The following YEATS2 variants were observed in gnomAD, a reference collection of about 807,000 sequenced individuals.
YEATS2 encodes the protein YEATS domain containing 2.
A neutral mutation model predicts 163.2 loss-of-function variants in YEATS2; 77 were observed. That is an observed-to-expected ratio of 0.47 (90% confidence interval 0.39 to 0.57). YEATS2 has a LOEUF of 0.57. YEATS2 is among the 20% of genes least tolerant of loss of function. The pLI is 0.00. For missense variants in YEATS2, 1,549 were observed against 1,729.8 expected, an observed-to-expected ratio of 0.90 and a Z score of 1.85; for synonymous variants, 631 against 645.1, an observed-to-expected ratio of 0.98 and a Z score of 0.33.
At chr3:183,808,263 C>CT in intron 29 of YEATS2, 159 bp downstream of exon 29, 1 of 620,842 alleles carries the variant, frequency 1.6e-6, no homozygotes, top group Non-Finnish European at 2.7e-6. Flanking sequence ...GTTTTTTTTC[C>CT]TTCTGATTTT....
At position 183,801,553 on chromosome 3, in the gene YEATS2, G is replaced by A. The variant is rs773878017; in HGVS notation, c.3502+25G>A. On this transcript the variant is annotated intron_variant, in intron 25 of 30. Coordinates refer to ENST00000305135, the MANE Select transcript of YEATS2 (RefSeq NM_018023.5). ...AGTAAGACAATTACACTGAATATAG[G>A]GGTGCATTTTTGAAAGCTGTGAACT... 3 of 1,560,220 alleles carry A rather than the reference G, an allele frequency of 1.9e-6. No individual in the cohort carries two copies. In the South Asian group the frequency reaches 3.6e-5, roughly 18 times the overall value.
chr3:183,792,297 C>T (rs1560322160), intron 21 of YEATS2, among the ~76,000 whole-genome samples: 1 of 152,040 alleles, frequency 6.6e-6, no homozygotes, highest in Non-Finnish European at 1.5e-5. Context: ...CCTTCCCTTG[C>T]CCCGCACCCC....
chr3:183,741,770 G>A (rs1718993540), intron 8 of YEATS2, among the ~76,000 whole-genome samples: 1 of 151,848 alleles, frequency 6.6e-6, no homozygotes, highest in Non-Finnish European at 1.5e-5. Flanking sequence ...GACAGAGCGA[G>A]ACTCCATCTC....
rs140635077 is a variant in YEATS2, at chr3:183,754,102, G to A, written c.1151-24G>A. The A allele has an allele frequency of 1.9e-5, 29 of 1,511,914 alleles. No individual in the cohort carries two copies. The Admixed American group carries it at 3.1e-4, about 16-fold the overall frequency. The allele number at this position is 1,511,914 out of a possible 1,614,324, so 93.7% of individuals were successfully genotyped here. ...ATTTCAAAGCGATTGATGACTTGCC[G>A]TTTGCCTCTTTCATCTCAAGCAGGA... On this transcript the variant is annotated intron_variant, in intron 10 of 30. Transcript: ENST00000305135.
chr3:183,729,817 A>G (rs911273244), intron 7 of YEATS2, among the ~76,000 whole-genome samples: 2 of 151,816 alleles, frequency 1.3e-5, no homozygotes, highest in African/African-American at 4.8e-5. Context: ...CCTCCCAAGT[A>G]GCTGGGATTA....
At position 183,733,618 on chromosome 3, in the gene YEATS2, A is replaced by G. The variant is rs569605115; in HGVS notation, c.813-3100A>G. Among the ~76,000 whole-genome samples the G allele has an allele frequency of 2.0e-5, 3 of 152,320 alleles. No individual in the cohort carries two copies. The East Asian group carries it at 5.8e-4, about 29-fold the overall frequency. On this transcript the variant is annotated intron_variant, in intron 7 of 30. Coordinates refer to ENST00000305135, the MANE Select transcript of YEATS2 (RefSeq NM_018023.5). ...TGTGTTAGGTATCTAAAGTAATTTA[A>G]CGAATAAGGGAGGATTTTTGCGGCT... is the stretch of plus-strand genomic sequence containing the variant.
chr3:183,773,889 G>A (rs1282906324), intron 17 of YEATS2, 95 bp downstream of exon 17: 1 of 1,393,254 alleles, frequency 7.2e-7, no homozygotes, highest in Non-Finnish European at 9.5e-7. Context: ...GTTTCAGGAA[G>A]CATTTCTGTA....
In YEATS2 at chr3:183,803,280, CAA is replaced by C. The variant is rs1230798598; in HGVS notation, c.3529_3530del (p.Lys1177ValfsTer17). The C allele has an allele frequency of 1.2e-6, 2 of 1,611,894 alleles. No homozygotes were observed. Among genetic ancestry groups the C allele is most frequent in the Non-Finnish European group, 1.7e-6 (2 of 1,179,884 alleles). On this transcript the variant is annotated frameshift_variant, in exon 26 of 31. Transcript: ENST00000305135. LOFTEE classifies it high-confidence loss of function. ...GGTGAAGATGCCAGCTGCTTTTCTG[CAA>C]AGTCTGTGGAGCAGTACTATGGCTG...
intron 19 of YEATS2, among the ~76,000 whole-genome samples, chr3:183,783,455 A>G (rs542050234): frequency 6.6e-6 from 1 of 152,216 alleles, no homozygotes; most frequent in Non-Finnish European, 1.5e-5. Flanking sequence ...GGTTTGTTAC[A>G]TGGGTATATT....
chr3:183,758,406 T>C lies in YEATS2; in HGVS notation c.1553-456T>C, dbSNP rs576552045. Reference sequence around the variant, plus strand: ...CAGCATTTTGGAATAGGCATAACTTTCTGGTGAAACTACTTTGAAGGAGCT... The same window carrying C: ...CAGCATTTTGGAATAGGCATAACTTCCTGGTGAAACTACTTTGAAGGAGCT... On this transcript the variant is annotated intron_variant, in intron 12 of 30. Transcript: ENST00000305135. Among the ~76,000 whole-genome samples, 4 of 152,276 alleles carry C rather than the reference T, an allele frequency of 2.6e-5. No individual in the cohort carries two copies. The South Asian group carries it at 8.3e-4, about 32-fold the overall frequency.
intron 8 of YEATS2, among the ~76,000 whole-genome samples, chr3:183,745,383 C>A (rs1049164522): frequency 6.6e-6 from 1 of 152,150 alleles, no homozygotes; most frequent in South Asian, 2.1e-4. Flanking sequence ...TAGATTGTCT[C>A]GCACAAATCC....
intron 8 of YEATS2, among the ~76,000 whole-genome samples, chr3:183,743,911 G>GAA (rs1170835710): frequency 5.9e-5 from 9 of 151,982 alleles, no homozygotes; most frequent in African/African-American, 2.2e-4. Flanking sequence ...AAGCCATGCT[G>GAA]AAATTTCTCT....
At chr3:183,793,523 A>G (rs1003230051) in intron 21 of YEATS2, 5 of 848,364 alleles carry the variant, frequency 5.9e-6, no homozygotes, top group African/African-American at 5.6e-5. Flanking sequence ...TGTTTTTGGC[A>G]TGCAATAGAT....
At chr3:183,787,752 C>T (rs1226682751) in intron 20 of YEATS2, among the ~76,000 whole-genome samples, 1 of 151,820 alleles carries the variant, frequency 6.6e-6, no homozygotes, top group African/African-American at 2.4e-5. Flanking sequence ...AATCCCAGCA[C>T]TTTGGGAGGC....
chr3:183,705,173 C>T lies in YEATS2; in HGVS notation c.-20+7180C>T, dbSNP rs945349260. On this transcript the variant is annotated intron_variant, in intron 1 of 30. Coordinates refer to ENST00000305135, the MANE Select transcript of YEATS2 (RefSeq NM_018023.5). ...CAAGCAATCCTCCTACCTCAGCTGC[C>T]CAAGTAGCTGGGAGTACAGGTGCTT... 3.3e-5 allele frequency among the ~76,000 whole-genome samples: 5 copies of T among 152,042 alleles called. No homozygotes were observed. In the South Asian group the frequency reaches 1.0e-3, roughly 32 times the overall value.
chr3:183,778,503 T>C (rs973485989), intron 19 of YEATS2, among the ~76,000 whole-genome samples: 1 of 152,196 alleles, frequency 6.6e-6, no homozygotes, highest in African/African-American at 2.4e-5. Flanking sequence ...ATTACAGGCA[T>C]GCACCACCAT....
intron 7 of YEATS2, among the ~76,000 whole-genome samples, chr3:183,729,134 T>A (rs534468953): frequency 6.6e-6 from 1 of 152,036 alleles, no homozygotes; most frequent in Non-Finnish European, 1.5e-5. Flanking sequence ...TAGCTGGGCG[T>A]GGTGGCGGGC....
chr3:183,756,736 A>AGATGG, intron 12 of YEATS2, 47 bp downstream of exon 12: 1 of 1,326,774 alleles, frequency 7.5e-7, no homozygotes, highest in Non-Finnish European at 9.7e-7. Flanking sequence ...TTTGATCTTT[A>AGATGG]TTAAAAATGT....
chr3:183,710,631 C>A (rs1445343660), intron 1 of YEATS2, among the ~76,000 whole-genome samples: 1 of 152,120 alleles, frequency 6.6e-6, no homozygotes, highest in Non-Finnish European at 1.5e-5. Context: ...CTGCCCACCC[C>A]CTCCCCAAAT....
Sources: allele counts gnomAD v4.1 joint callset (sites outside exome capture counted in the v4.1 genomes callset), GRCh38; gene constraint gnomAD v4.1.1; transcripts MANE v1.5; gene names NCBI Gene and HGNC (gene_info 2026-07-23, HGNC 2026-07-21).